The following ABCA4 variants were observed in gnomAD, a reference collection of about 807,000 sequenced individuals.
ABCA4 encodes ATP binding cassette subfamily A member 4.
ABCA4 carries 196 observed loss-of-function variants against 263.7 expected under a neutral mutation model. The observed-to-expected ratio is 0.74, with a 90% CI of 0.66 to 0.84. The LOEUF (loss-of-function observed/expected upper bound fraction) is 0.84. Among genes scored for constraint, ABCA4 ranks in the 40% least tolerant of loss-of-function variants. The pLI is 0.00. For synonymous variants in ABCA4, 1,133 were observed against 1,094.2 expected, an observed-to-expected ratio of 1.04 and a Z score of -0.70; for missense variants, 2,792 against 2,855.1, an observed-to-expected ratio of 0.98 and a Z score of 0.50.
chr1:94,023,736 T>C (rs1024011505), intron 31 of ABCA4, among the ~76,000 whole-genome samples: 4 of 152,196 alleles, frequency 2.6e-5, no homozygotes, highest in Admixed American at 6.5e-5. Flanking sequence ...GCAATGACCA[T>C]GTCAGTGTGG....
rs187444965 is a variant in ABCA4 at position 94,068,012 on chromosome 1, G to A, written c.1555-4695C>T. ...CAACAGACTTTTAAGCCCCAGCCAGGTTACCTTTTAGCCATGGCAGCTGTT... is the reference window on the plus strand; with the variant it reads ...CAACAGACTTTTAAGCCCCAGCCAGATTACCTTTTAGCCATGGCAGCTGTT... On this transcript the variant is annotated intron_variant, in intron 11 of 49. Transcript: ENST00000370225. Among the ~76,000 whole-genome samples, 55 of 152,292 alleles carry A rather than the reference G, an allele frequency of 3.6e-4. 1 individual carries two copies. The highest frequency in any genetic ancestry group is 6.0e-4 in the Non-Finnish European group (41 of 68,016).
intron 23 of ABCA4, 83 bp downstream of exon 23, chr1:94,041,126 G>T: frequency 7.1e-7 from 1 of 1,412,874 alleles, no homozygotes; most frequent in South Asian, 1.2e-5. Flanking sequence ...GAGCCTGTGT[G>T]AGTAGCCATG....
chr1:94,089,507 G>A (rs1378699926), intron 6 of ABCA4, among the ~76,000 whole-genome samples: 2 of 144,696 alleles, frequency 1.4e-5, no homozygotes. Flanking sequence ...TCACACTGTC[G>A]CCTAGGTGGG....
At chr1:94,010,540 A>G (rs1363947158) in intron 40 of ABCA4, 2 of 592,858 alleles carry the variant, frequency 3.4e-6, no homozygotes, top group Non-Finnish European at 6.1e-6. Flanking sequence ...TGGTAATTAA[A>G]TGAGAAGGAT....
intron 1 of ABCA4, among the ~76,000 whole-genome samples, chr1:94,119,612 T>C (rs1223955128): frequency 6.6e-6 from 1 of 152,128 alleles, no homozygotes. Context: ...TCCACAGACC[T>C]CTCATCTATG....
At chr1:94,012,096 A>C (rs1313710392) in intron 38 of ABCA4, among the ~76,000 whole-genome samples, 1 of 152,202 alleles carries the variant, frequency 6.6e-6, no homozygotes. Flanking sequence ...ATCGAGGCGT[A>C]CGAGGCCAGC....
intron 11 of ABCA4, among the ~76,000 whole-genome samples, chr1:94,064,603 A>G (rs1476239965): frequency 6.6e-6 from 1 of 152,162 alleles, no homozygotes; most frequent in Non-Finnish European, 1.5e-5. Context: ...GCCAGGCCCT[A>G]CCCCAAGCAA....
chr1:94,107,199 C>A (rs563798913), intron 4 of ABCA4, among the ~76,000 whole-genome samples: 16 of 152,308 alleles, frequency 1.1e-4, no homozygotes, highest in Non-Finnish European at 2.2e-4. Context: ...CTAAGGTCAT[C>A]CTTAGAGTCA....
chr1:94,079,181 G>A, intron 9 of ABCA4, 141 bp downstream of exon 9: 1 of 1,233,720 alleles, frequency 8.1e-7, no homozygotes, highest in Admixed American at 1.8e-5. Flanking sequence ...GTGGATGGGG[G>A]AGGAAACGCA....
chr1:94,007,198 G>A (rs189318308), intron 43 of ABCA4, among the ~76,000 whole-genome samples: 16 of 152,278 alleles, frequency 1.1e-4, no homozygotes, highest in Admixed American at 9.8e-4. Context: ...CTTAACCTGG[G>A]ATTCAAGAGC....
At chr1:94,020,283 T>C (rs1342550608) in intron 35 of ABCA4, among the ~76,000 whole-genome samples, 1 of 152,220 alleles carries the variant, frequency 6.6e-6, no homozygotes, top group East Asian at 1.9e-4. Flanking sequence ...TATTTATTCT[T>C]TCCTCGGACA....
At chr1:94,011,531 G>T in intron 38 of ABCA4, 146 bp from the exon 39 acceptor site, 2 of 1,333,688 alleles carry the variant, frequency 1.5e-6, no homozygotes, top group East Asian at 2.4e-5. Flanking sequence ...CCACTGGAGG[G>T]ATTTGTCCAG....
At position 94,063,174 on chromosome 1, in the gene ABCA4, G is replaced by A. The variant is rs768129542; in HGVS notation, c.1698C>T (p.His566=). 6.2e-6 allele frequency: 10 copies of A among 1,613,926 alleles called. No individual in the cohort carries two copies. Among genetic ancestry groups the A allele is most frequent in the African/African-American group, 2.7e-5 (2 of 74,872 alleles). ...MYPWTSSLPP[H]VKYKIRMDID... is the part of the protein sequence containing the mutation. ...TGTCCATTCGGATCTTATACTTCAC[G>A]TGGGGTGGTAGAGAGCTGGTCCAGG... The change falls in exon 12 of 50, where the codon CAC becomes CAT. Residue 566 remains histidine, a synonymous_variant. Transcript: ENST00000370225.
chr1:94,119,849 A>G (rs1662899928), intron 1 of ABCA4, among the ~76,000 whole-genome samples: 1 of 152,076 alleles, frequency 6.6e-6, no homozygotes, highest in Non-Finnish European at 1.5e-5. Flanking sequence ...CATCACCTAC[A>G]TGAACTTATT....
intron 35 of ABCA4, 69 bp downstream of exon 35, chr1:94,021,171 C>A: frequency 6.2e-7 from 1 of 1,605,680 alleles, no homozygotes; most frequent in Non-Finnish European, 8.5e-7. Context: ...TGGTGAGAAT[C>A]CTCTCAGGAT....
chr1:94,062,801 C>A, intron 12 of ABCA4, 48 bp from the exon 13 acceptor site: 1 of 1,590,382 alleles, frequency 6.3e-7, no homozygotes, highest in South Asian at 1.1e-5. Context: ...TTGGATAGCT[C>A]ACTCACACCT....
intron 29 of ABCA4, among the ~76,000 whole-genome samples, chr1:94,029,963 C>A (rs774993440): frequency 6.6e-6 from 1 of 152,182 alleles, no homozygotes; most frequent in Non-Finnish European, 1.5e-5. Context: ...TTGAAAAAGA[C>A]TGAGGGAGAA....
intron 48 of ABCA4, among the ~76,000 whole-genome samples, chr1:93,996,857 A>G (rs1237698938): frequency 6.6e-6 from 1 of 152,250 alleles, no homozygotes; most frequent in Non-Finnish European, 1.5e-5. Flanking sequence ...CCTTGAGGAC[A>G]TTATGCTAAG....
At chr1:94,002,116 AGGCTCCTGCT>A (rs1322114747) in intron 44 of ABCA4, 124 bp from the exon 45 acceptor site, 1 of 1,451,774 alleles carries the variant, frequency 6.9e-7, no homozygotes, top group Non-Finnish European at 9.5e-7. Context: ...AGGCTGAAAC[AGGCTCCTGCT>A]GGCTCCTGTC....
Sources: gnomAD v4.1 joint callset for allele counts (sites outside exome capture counted in the v4.1 genomes callset) on GRCh38, gnomAD v4.1.1 for gene constraint, MANE v1.5 for transcripts, NCBI Gene and HGNC (gene_info 2026-07-23, HGNC 2026-07-21) for gene names.